The following OXCT1 variants were observed in gnomAD, a reference collection of about 807,000 sequenced individuals.
The protein encoded by OXCT1 is 3-oxoacid CoA-transferase 1, also known as succinyl-CoA:3-ketoacid coenzyme A transferase 1, mitochondrial.
Under a neutral mutation model 69.6 loss-of-function variants are expected in OXCT1, and 27 were observed. That is an observed-to-expected ratio of 0.39 (90% CI 0.29 to 0.54). The LOEUF is 0.54. Ranked by LOEUF, OXCT1 falls within the 20% of genes least tolerant of loss-of-function variation. OXCT1 has a pLI of 0.72. For synonymous variants in OXCT1, 202 were observed against 217.8 expected (o/e 0.93, Z 0.64); for missense variants, 437 against 650.2 (o/e 0.67, Z 3.57).
intron 15 of OXCT1, among the ~76,000 whole-genome samples, chr5:41,744,573 C>A (rs1383199366): frequency 2.0e-5 from 3 of 152,110 alleles, no homozygotes; most frequent in Admixed American, 6.6e-5. Context: ...CTAGTTTTTG[C>A]CCATTCAGTA....
chr5:41,802,334 A>C (rs2112261389), intron 10 of OXCT1, among the ~76,000 whole-genome samples: 1 of 152,264 alleles, frequency 6.6e-6, no homozygotes, highest in African/African-American at 2.4e-5. Flanking sequence ...AAGATTATGA[A>C]TAGGCAAACC....
rs4957424 is a variant in OXCT1, at chr5:41,802,857, C to G, written c.1050+212G>C. Among the ~76,000 whole-genome samples the G allele has an allele frequency of 0.39, 58,886 of 151,894 alleles. 14,135 individuals carry two copies. Among genetic ancestry groups the G allele is most frequent in the African/African-American group, 0.68 (28,067 of 41,432 alleles). On this transcript the variant is annotated intron_variant, in intron 10 of 16. Coordinates refer to ENST00000196371, the MANE Select transcript of OXCT1 (RefSeq NM_000436.4). ...TTATCATGATAAAAAGAAAAATAAG[C>G]TTGGGCACTTTATGCAACAACTCAG...
At chr5:41,807,306 C>G (rs1398873227) in intron 8 of OXCT1, 25 bp downstream of exon 8, 21 of 1,212,736 alleles carry the variant, frequency 1.7e-5, no homozygotes, top group African/African-American at 3.0e-5. Flanking sequence ...TCCATGAATA[C>G]TGACAAAGCA....
intron 12 of OXCT1, 65 bp from the exon 13 acceptor site, chr5:41,794,143 C>T: frequency 1.7e-6 from 2 of 1,199,594 alleles, no homozygotes; most frequent in Non-Finnish European, 2.5e-6. Flanking sequence ...CTTGAACTTG[C>T]CAGCAATTAG....
chr5:41,740,624 C>T (rs1042896018), intron 15 of OXCT1, among the ~76,000 whole-genome samples: 4 of 152,186 alleles, frequency 2.6e-5, no homozygotes, highest in Admixed American at 6.5e-5. Context: ...TACGAGGTCA[C>T]TTAATATAAC....
chr5:41,808,051 C>T (rs1372568907), intron 7 of OXCT1, among the ~76,000 whole-genome samples: 1 of 151,922 alleles, frequency 6.6e-6, no homozygotes, highest in East Asian at 1.9e-4. Context: ...TAGAAATACT[C>T]AATTTAATTA....
intron 16 of OXCT1, among the ~76,000 whole-genome samples, chr5:41,737,813 TG>T (rs1256348508): frequency 2.0e-5 from 3 of 152,254 alleles, no homozygotes; most frequent in Admixed American, 6.5e-5. Context: ...CCCAGCACTT[TG>T]GGAGGCCGAG....
chr5:41,797,332 G>C (rs1340406407), intron 11 of OXCT1, among the ~76,000 whole-genome samples: 1 of 152,120 alleles, frequency 6.6e-6, no homozygotes, highest in Non-Finnish European at 1.5e-5. Context: ...CATTATCAAG[G>C]CCTCTGCTAA....
rs183418833 is a variant in OXCT1 at position 41,857,212 on chromosome 5, T to C, written c.279-3658A>G. On this transcript the variant is annotated intron_variant, in intron 3 of 16. Coordinates refer to ENST00000196371, the MANE Select transcript of OXCT1 (RefSeq NM_000436.4). Reference sequence around the variant, plus strand: ...TCCCTGCTTCCCCTCCCACACAACATGGCAGCCAAAGCAAGCCATATAAAA... The same window carrying C: ...TCCCTGCTTCCCCTCCCACACAACACGGCAGCCAAAGCAAGCCATATAAAA... Among the ~76,000 whole-genome samples the C allele has an allele frequency of 1.1e-4, 17 of 152,264 alleles. No homozygotes were observed. In the East Asian group the frequency reaches 2.9e-3, roughly 26 times the overall value.
At chr5:41,753,548 G>T (rs1435409477) in intron 14 of OXCT1, among the ~76,000 whole-genome samples, 1 of 152,040 alleles carries the variant, frequency 6.6e-6, no homozygotes, top group African/African-American at 2.4e-5. Flanking sequence ...TCAGGAGTTG[G>T]CTCAGACACC....
intron 8 of OXCT1, 127 bp from the exon 9 acceptor site, chr5:41,805,808 T>C (rs1176112164): frequency 7.2e-6 from 5 of 689,924 alleles, no homozygotes; most frequent in East Asian, 2.7e-5. Context: ...ATCTGCAATA[T>C]ACCAGATATT....
rs115359534 is a variant in OXCT1, at chr5:41,791,661, C to T, written c.1248+2342G>A. On this transcript the variant is annotated intron_variant, in intron 13 of 16. Transcript: ENST00000196371. The stretch of plus-strand genomic sequence containing the variant: ...TATTTAACACATTTCTGCTTCATAC[C>T]CAGGACCACTGAGCAAATTGATTTC... Among the ~76,000 whole-genome samples, 1,206 of 152,274 alleles carry T rather than the reference C, an allele frequency of 7.9e-3. 15 individuals are homozygous for T. Among genetic ancestry groups the T allele is most frequent in the African/African-American group, 0.028 (1,144 of 41,546 alleles).
At chr5:41,866,569 A>C (rs1235192616) in intron 1 of OXCT1, among the ~76,000 whole-genome samples, 2 of 152,178 alleles carry the variant, frequency 1.3e-5, no homozygotes, top group East Asian at 3.9e-4. Context: ...GCACGGCATC[A>C]CTCCCAAGAG....
rs2112475244 is a variant in OXCT1 at position 41,862,649 on chromosome 5, C to A, written c.180G>T (p.Leu60Phe). The A allele has an allele frequency of 1.9e-6, 3 of 1,603,198 alleles. No homozygotes were observed. Among genetic ancestry groups the A allele is most frequent in the East Asian group, 2.2e-5 (1 of 44,776 alleles). ...AACAGTGTTAGTACTCACCACCAAC[C>A]AAAACCGTGGCACCATCAGGGATGT... ...VKDIPDGATV[L>F]VGGFGLCGIP... Residue 60 changes from leucine to phenylalanine, a missense_variant, in exon 2 of 17, where the codon TTG (leucine) becomes TTT (phenylalanine). Coordinates refer to ENST00000196371, the MANE Select transcript of OXCT1 (RefSeq NM_000436.4).
chr5:41,744,759 C>T (rs1334520058), intron 15 of OXCT1, among the ~76,000 whole-genome samples: 3 of 151,858 alleles, frequency 2.0e-5, no homozygotes, highest in Non-Finnish European at 2.9e-5. Context: ...CAAAAAAAGG[C>T]AGGGGTTGCA....
chr5:41,823,113 A>G (rs1478113043), intron 7 of OXCT1, among the ~76,000 whole-genome samples: 5 of 152,144 alleles, frequency 3.3e-5, no homozygotes, highest in African/African-American at 7.2e-5. Context: ...CAATTAATCC[A>G]AGTACTCTTT....
intron 14 of OXCT1, among the ~76,000 whole-genome samples, chr5:41,760,740 T>C (rs977651572): frequency 7.2e-5 from 11 of 152,146 alleles, no homozygotes; most frequent in African/African-American, 2.4e-4. Context: ...AAATGAAGTA[T>C]TTTGGATGCT....
intron 13 of OXCT1, among the ~76,000 whole-genome samples, chr5:41,768,504 C>T (rs1744722331): frequency 6.6e-6 from 1 of 152,142 alleles, no homozygotes; most frequent in Non-Finnish European, 1.5e-5. Context: ...TTCATAAAGG[C>T]AAATCTCACC....
Position 41,746,652 on chromosome 5 carries a change from C to T in OXCT1, c.1419+2875G>A, listed in dbSNP as rs1444298443. Among the ~76,000 whole-genome samples, 4 of 152,066 alleles carry T rather than the reference C, an allele frequency of 2.6e-5. No individual in the cohort carries two copies. The East Asian group carries it at 7.7e-4, about 29-fold the overall frequency. ...ATTATCCCCATATGTTAATGACACC[C>T]GCAAGTTTATTCCAATACTGACTTC... On this transcript the variant is annotated intron_variant, in intron 15 of 16. Transcript: ENST00000196371.
Sources: allele counts gnomAD v4.1 joint callset (sites outside exome capture counted in the v4.1 genomes callset), GRCh38; gene constraint gnomAD v4.1.1; transcripts MANE v1.5; gene names NCBI Gene and HGNC (gene_info 2026-07-23, HGNC 2026-07-21).